Variants in GRK1 observed in about 807,000 individuals in gnomAD.
GRK1 encodes rhodopsin kinase GRK1.
In GRK1, 28 loss-of-function variants were observed where a neutral mutation model predicts 41.7. The observed-to-expected ratio is 0.67, with a 90% CI of 0.50 to 0.92. The LOEUF (loss-of-function observed/expected upper bound fraction) is 0.92. GRK1 is among the 40% of genes least tolerant of loss of function. The probability of loss-of-function intolerance (pLI) is 0.00; values close to 1 mark genes in which losing one functional copy is unlikely to be tolerated. For synonymous variants in GRK1, 327 were observed against 286.7 expected, an observed-to-expected ratio of 1.14 and a Z score of -1.42; for missense variants, 703 against 671.2, an observed-to-expected ratio of 1.05 and a Z score of -0.52.
chr13:113,733,851 ATGTGTGCATACGTGTGTGCG>A lies in GRK1; in HGVS notation c.1396+793_1396+812del, dbSNP rs1388494386. On this transcript the variant is annotated intron_variant, in intron 6 of 6. Transcript: ENST00000335678. ...TGTGTGCACGTGCGTGTGCATGTGT[ATGTGTGCATACGTGTGTGCG>A]TGTGTGCATACGTGTGTGCGTGTGT... Among the ~76,000 whole-genome samples, 37 of 73,896 alleles carry A rather than the reference ATGTGTGCATACGTGTGTGCG, an allele frequency of 5.0e-4. No homozygotes were observed. In the South Asian group the frequency reaches 5.4e-3, roughly 11 times the overall value. The allele number at this position is 73,896 out of a possible 152,430, so 48.5% of individuals were successfully genotyped here.
At chr13:113,652,951 C>T in the GRK1 span, 2 of 1,614,206 alleles carry the variant, frequency 1.2e-6, no homozygotes, top group Non-Finnish European at 1.7e-6. Context: ...AGCAGTTCTG[C>T]AGCATATCTG....
intron 4 of GRK1, among the ~76,000 whole-genome samples, chr13:113,724,671 G>A (rs2049878958): frequency 6.6e-6 from 1 of 152,214 alleles, no homozygotes; most frequent in Non-Finnish European, 1.5e-5. Flanking sequence ...TGAGTGCTCA[G>A]GGCCAGTGGT....
chr13:113,734,871 C>G (rs1305533994), intron 6 of GRK1, 197 bp from the exon 7 acceptor site: 6 of 476,842 alleles, frequency 1.3e-5, no homozygotes, highest in Non-Finnish European at 2.2e-5. Context: ...CAAGCCCCAG[C>G]TGTGTGGTCT....
At position 113,735,145 on chromosome 13, in the gene GRK1, A is replaced by G. The variant is rs369108436; in HGVS notation, c.1474A>G (p.Thr492Ala). 6.5e-7 allele frequency: 1 copy of G among 1,537,026 alleles called. No individual in the cohort carries two copies. The highest frequency in any genetic ancestry group is 1.4e-5 in the African/African-American group (1 of 73,044). The change falls in exon 7 of 7, where the codon ACC (threonine) becomes GCC (alanine). Residue 492 changes from threonine (T) to alanine (A), a missense_variant. By Grantham distance (58) the Thr-to-Ala change is moderately conservative (BLOSUM62 0). Coordinates refer to ENST00000335678, the MANE Select transcript of GRK1 (RefSeq NM_002929.3). ...KDIQDVGAFS[T>A]VKGVAFDKTD... ...TATTCAGGACGTGGGTGCCTTTTCC[A>G]CCGTCAAAGGTGTGGCCTTTGACAA...
At chr13:113,651,623 C>G in the GRK1 span, 5 of 1,542,848 alleles carry the variant, frequency 3.2e-6, no homozygotes, top group Non-Finnish European at 4.4e-6. Flanking sequence ...ACGACCCTGA[C>G]AAGCTCCTTT....
At chr13:113,729,748 C>T (rs925355947) in intron 4 of GRK1, among the ~76,000 whole-genome samples, 28 of 152,098 alleles carry the variant, frequency 1.8e-4, no homozygotes, top group Admixed American at 3.9e-4. Context: ...TGCCCAGACC[C>T]GTCCCTCCAT....
At chr13:113,655,020 G>A in the GRK1 span, 5,186 of 1,556,902 alleles carry the variant, frequency 3.3e-3, 78 homozygotes, top group African/African-American at 0.036. Context: ...GAGCGCGTCC[G>A]TGATGTGGCG....
In GRK1 at chr13:113,731,329, G is replaced by T. The variant is rs1430150359; in HGVS notation, c.1180G>T (p.Ala394Ser). ...EMIAARGPFR[A>S]RGEKVENKEL... ...GATTGCGGCCAGAGGACCCTTCCGA[G>T]CCCGTGGAGAGAAGGTAGGAGGCGG... The change falls in exon 5 of 7, where the codon GCC becomes TCC. Residue 394 changes from alanine to serine, a missense_variant. Transcript: ENST00000335678. The surrounding 1 kb of genome is among the most constrained non-coding windows in gnomAD (Gnocchi z 5.6). The T allele has an allele frequency of 6.5e-7, 1 of 1,536,866 alleles. No individual in the cohort carries two copies. Among genetic ancestry groups the T allele is most frequent in the Non-Finnish European group, 8.7e-7 (1 of 1,146,842 alleles).
Position 113,667,566 on chromosome 13 carries a change from T to G in GRK1, c.180T>G (p.Ser60Arg), listed in dbSNP as rs761594452. 1 of 1,613,328 alleles carries G rather than the reference T, an allele frequency of 6.2e-7. No individual in the cohort carries two copies. Among genetic ancestry groups the G allele is most frequent in the South Asian group, 1.1e-5 (1 of 91,060 alleles). ...ACAGCCTCAGCCTGGAGTTTGAGAG[T>G]GTGTGCTTGGAGCAGCCCATCGGCA... ...LRDSLSLEFE[S>R]VCLEQPIGKK... Residue 60 changes from serine to arginine, a missense_variant, in exon 1 of 7, where the codon AGT (serine) becomes AGG (arginine). Transcript: ENST00000335678. This position sits in a 1 kb window ranked among gnomAD's most constrained non-coding sequence, Gnocchi z 7.5.
At chr13:113,728,610 C>T (rs945867879) in intron 4 of GRK1, among the ~76,000 whole-genome samples, 1 of 152,170 alleles carries the variant, frequency 6.6e-6, no homozygotes. Flanking sequence ...AGCATTGCAG[C>T]GGGGCCCGGA....
rs200774682 is a variant in GRK1, at chr13:113,667,546, C to T, written c.160C>T (p.Leu54Phe). 1,088 of 1,613,604 alleles carry T rather than the reference C, an allele frequency of 6.7e-4. 14 individuals are homozygous for T. In the South Asian group the frequency reaches 0.011, roughly 17 times the overall value. Residue 54 changes from leucine to phenylalanine, a missense_variant, in exon 1 of 7, where the codon CTC becomes TTC. Transcript: ENST00000335678. The surrounding 1 kb of genome is among the most constrained non-coding windows in gnomAD (Gnocchi z 7.5). ...CAAGTGTGAGTCCCTCCGCGACAGCCTCAGCCTGGAGTTTGAGAGTGTGTG... is the reference window on the plus strand; with the variant it reads ...CAAGTGTGAGTCCCTCCGCGACAGCTTCAGCCTGGAGTTTGAGAGTGTGTG... ...LSKCESLRDS[L>F]SLEFESVCLE... is the part of the protein sequence containing the mutation.
At chr13:113,729,758 T>C (rs557353181) in intron 4 of GRK1, among the ~76,000 whole-genome samples, 1 of 151,784 alleles carries the variant, frequency 6.6e-6, no homozygotes, top group East Asian at 1.9e-4. Flanking sequence ...CGTCCCTCCA[T>C]CTGAGACAGT....
chr13:113,728,672 G>A (rs1260555024), intron 4 of GRK1, among the ~76,000 whole-genome samples: 1 of 152,196 alleles, frequency 6.6e-6, no homozygotes, highest in African/African-American at 2.4e-5. Flanking sequence ...ACAGGCACAG[G>A]GCTGGACCAC....
At chr13:113,732,810 G>A (rs2049946509) in intron 5 of GRK1, 74 bp from the exon 6 acceptor site, 2 of 1,482,058 alleles carry the variant, frequency 1.3e-6, no homozygotes, top group East Asian at 2.5e-5. Flanking sequence ...GCTCTTGTGG[G>A]AGGAGCTGTG....
At chr13:113,734,103 T>G (rs527722223) in intron 6 of GRK1, among the ~76,000 whole-genome samples, 1 of 152,340 alleles carries the variant, frequency 6.6e-6, no homozygotes, top group Non-Finnish European at 1.5e-5. Flanking sequence ...CACTTTTGCA[T>G]CTGAGACACA....
At chr13:113,654,318 C>T in the GRK1 span, among the ~76,000 whole-genome samples, 32 of 152,296 alleles carry the variant, frequency 2.1e-4, no homozygotes, top group Non-Finnish European at 8.8e-5. Flanking sequence ...TGTCCTGTGG[C>T]CTCTGACGAC....
chr13:113,653,641 C>A, the GRK1 span, among the ~76,000 whole-genome samples: 2 of 152,224 alleles, frequency 1.3e-5, no homozygotes, highest in African/African-American at 4.8e-5. Context: ...TGCCCCGGCC[C>A]TGGAACCTGG....
At chr13:113,729,173 C>T (rs2049915417) in intron 4 of GRK1, among the ~76,000 whole-genome samples, 1 of 152,144 alleles carries the variant, frequency 6.6e-6, no homozygotes, top group African/African-American at 2.4e-5. Flanking sequence ...GGTGTGGCTT[C>T]CAGGCACGAA....
rs1205066821 is a variant in GRK1, at chr13:113,732,738, G to T, written c.1195-146G>T. ...CATTCCTGAGACTGGAGCCTCAAACGCTGCTGTGCTGGGGAGGGGCACAAG... is the reference window on the plus strand; with the variant it reads ...CATTCCTGAGACTGGAGCCTCAAACTCTGCTGTGCTGGGGAGGGGCACAAG... On this transcript the variant is annotated intron_variant, in intron 5 of 6. Coordinates refer to ENST00000335678, the MANE Select transcript of GRK1 (RefSeq NM_002929.3). 8.0e-6 allele frequency: 6 copies of T among 748,478 alleles called. No homozygotes were observed. The Admixed American group carries it at 1.1e-4, about 14-fold the overall frequency. 46.4% of individuals were successfully genotyped at this position (748,478 alleles called of 1,614,324 possible). A position where few individuals can be genotyped will look rare whatever the true frequency, so the allele number is the denominator to read the frequency against.
Sources: gnomAD v4.1 joint callset for allele counts (sites outside exome capture counted in the v4.1 genomes callset) on GRCh38, gnomAD v4.1.1 for gene constraint, Gnocchi (gnomAD v3.1) non-coding constraint, MANE v1.5 for transcripts, NCBI Gene and HGNC (gene_info 2026-07-23, HGNC 2026-07-21) for gene names.